Variants in TRIM33 observed in about 807,000 individuals in gnomAD.
The protein encoded by TRIM33 is tripartite motif containing 33.
In TRIM33, 20 loss-of-function variants were observed where a neutral mutation model predicts 125.4. That is an observed-to-expected ratio of 0.16 (90% CI 0.11 to 0.23). The LOEUF (loss-of-function observed/expected upper bound fraction) is 0.23, where lower values mean the gene tolerates loss of function less well. TRIM33 is among the 10% of genes least tolerant of loss of function. The pLI, the probability that TRIM33 is intolerant of heterozygous loss-of-function variation, is 1.00. For missense variants in TRIM33, 920 were observed against 1,411.4 expected (o/e 0.65, Z 5.58); for synonymous variants, 564 against 513.9 (o/e 1.10, Z -1.32).
chr1:114,460,573 C>CTTTTT (rs35612978), intron 4 of TRIM33, among the ~76,000 whole-genome samples: 1 of 64,430 alleles, frequency 1.6e-5, no homozygotes, highest in Non-Finnish European at 2.7e-5. Context: ...CCCCCGCCAC[C>CTTTTT]TTTTTTTTTT....
intron 5 of TRIM33, among the ~76,000 whole-genome samples, chr1:114,432,438 G>A (rs1648017365): frequency 6.6e-6 from 1 of 152,176 alleles, no homozygotes; most frequent in Non-Finnish European, 1.5e-5. Flanking sequence ...GTGTGTGTGT[G>A]TGTACAATCT....
Position 114,427,224 on chromosome 1 carries a change from C to T in TRIM33, c.1373G>A (p.Arg458His), listed in dbSNP as rs762443881. 3.1e-6 allele frequency: 5 copies of T among 1,604,042 alleles called. No homozygotes were observed. Among genetic ancestry groups the T allele is most frequent in the Admixed American group, 1.7e-5 (1 of 59,510 alleles). Reference sequence around the variant, plus strand: ...CCAGAAGGTGGGATCACAATGGAAACGTATTGCTCCATTAGCAGCAGGGAC... The same window carrying T: ...CCAGAAGGTGGGATCACAATGGAAATGTATTGCTCCATTAGCAGCAGGGAC... ...DPVPAANGAI[R>H]FHCDPTFWAK... Residue 458 changes from arginine (R) to histidine (H), a missense_variant, in exon 8 of 20, where the codon CGT (arginine) becomes CAT (histidine). This residue lies in a region of TRIM33 where 407 missense variants were observed against 589.7 expected (regional missense o/e 0.69). Transcript: ENST00000358465.
At chr1:114,488,491 C>T (rs1333518985) in intron 1 of TRIM33, among the ~76,000 whole-genome samples, 1 of 152,152 alleles carries the variant, frequency 6.6e-6, no homozygotes, top group Non-Finnish European at 1.5e-5. Context: ...AGGCCAGGCA[C>T]AGTGGCTCAC....
In TRIM33 at chr1:114,463,563, GAAGA is replaced by G. The variant is rs762997926; in HGVS notation, c.646-11_646-8del. ...CTTCACAACTAGTACATACCTAAAA[GAAGA>G]AATAAGCACTAATCTAAATTAAATA... On this transcript the variant is annotated splice_polypyrimidine_tract_variant and splice_region_variant and intron_variant, in intron 2 of 19. Transcript: ENST00000358465. 56 of 1,511,496 alleles carry G rather than the reference GAAGA, an allele frequency of 3.7e-5. No individual in the cohort carries two copies. In the South Asian group the frequency reaches 4.3e-4, roughly 12 times the overall value. The allele number at this position is 1,511,496 out of a possible 1,614,324, so 93.6% of individuals were successfully genotyped here.
chr1:114,461,433 G>A lies in TRIM33; in HGVS notation c.923+1671C>T, dbSNP rs545765073. Among the ~76,000 whole-genome samples the A allele has an allele frequency of 2.2e-4, 33 of 151,268 alleles. No individual in the cohort carries two copies. The East Asian group carries it at 4.3e-3, about 20-fold the overall frequency. ...GACCTGACTCTAACTCCAGGTAGAC[G>A]GCGACAGAACTGAACTGAATTTCTG... On this transcript the variant is annotated intron_variant, in intron 4 of 19. Coordinates refer to ENST00000358465, the MANE Select transcript of TRIM33 (RefSeq NM_015906.4).
At chr1:114,412,295 C>T (rs1652644097) in intron 11 of TRIM33, among the ~76,000 whole-genome samples, 1 of 152,210 alleles carries the variant, frequency 6.6e-6, no homozygotes, top group Non-Finnish European at 1.5e-5. Context: ...ACTTCGCTTA[C>T]AGAAATATGT....
At chr1:114,445,763 A>C (rs535268864) in intron 4 of TRIM33, among the ~76,000 whole-genome samples, 43 of 152,366 alleles carry the variant, frequency 2.8e-4, no homozygotes, top group East Asian at 3.9e-4. Context: ...TGGAAGCCAG[A>C]ATACAAAGTA....
intron 11 of TRIM33, among the ~76,000 whole-genome samples, chr1:114,414,035 A>ACACACC (rs1652772755): frequency 7.3e-6 from 1 of 136,180 alleles, no homozygotes; most frequent in African/African-American, 2.8e-5. Flanking sequence ...AGGCACACAC[A>ACACACC]CACACACACA....
At chr1:114,507,627 T>G (rs1227343105) in intron 1 of TRIM33, among the ~76,000 whole-genome samples, 1 of 152,180 alleles carries the variant, frequency 6.6e-6, no homozygotes, top group East Asian at 1.9e-4. Flanking sequence ...TAAACGACTA[T>G]CAGCTACATT....
intron 1 of TRIM33, among the ~76,000 whole-genome samples, chr1:114,506,044 G>C (rs1261720264): frequency 1.3e-5 from 2 of 152,104 alleles, no homozygotes; most frequent in African/African-American, 4.8e-5. Context: ...GCAAGACCTG[G>C]AGAGACTTCC....
At chr1:114,495,494 T>C (rs536708294) in intron 1 of TRIM33, among the ~76,000 whole-genome samples, 18 of 152,336 alleles carry the variant, frequency 1.2e-4, no homozygotes, top group Middle Eastern at 3.4e-3. Context: ...AGGATTTTTA[T>C]AGGCAAATAA....
chr1:114,502,381 T>C (rs918153235), intron 1 of TRIM33, among the ~76,000 whole-genome samples: 1 of 152,236 alleles, frequency 6.6e-6, no homozygotes, highest in Non-Finnish European at 1.5e-5. Context: ...AAAGAGCTTT[T>C]GTTTAGATGG....
intron 4 of TRIM33, among the ~76,000 whole-genome samples, chr1:114,449,420 G>T (rs6696058): frequency 6.6e-6 from 1 of 152,202 alleles, no homozygotes; most frequent in Non-Finnish European, 1.5e-5. Context: ...ATGAGGGGAC[G>T]TCTGGGAGTG....
chr1:114,429,176 T>A (rs1460780833), intron 6 of TRIM33, among the ~76,000 whole-genome samples: 2 of 150,786 alleles, frequency 1.3e-5, no homozygotes, highest in African/African-American at 4.9e-5. Context: ...ACTTTAACAA[T>A]CTGCACAAGA....
At chr1:114,507,998 T>A (rs1653102158) in intron 1 of TRIM33, among the ~76,000 whole-genome samples, 3 of 152,080 alleles carry the variant, frequency 2.0e-5, no homozygotes, top group Non-Finnish European at 4.4e-5. Context: ...GCGCCTGCAA[T>A]CTCAGCTACT....
intron 1 of TRIM33, among the ~76,000 whole-genome samples, chr1:114,489,701 C>T (rs905035181): frequency 6.6e-6 from 1 of 152,026 alleles, no homozygotes. Flanking sequence ...GCTGTGATTG[C>T]ACCACTGCAC....
chr1:114,452,440 C>A (rs914902391), intron 4 of TRIM33, among the ~76,000 whole-genome samples: 5 of 148,772 alleles, frequency 3.4e-5, no homozygotes, highest in African/African-American at 1.3e-4. Context: ...AGCCTGGCAA[C>A]AGAGTGAGAC....
At chr1:114,419,200 CAAAAAAAAAA>C (rs35757503) in intron 11 of TRIM33, among the ~76,000 whole-genome samples, 3 of 54,324 alleles carry the variant, frequency 5.5e-5, no homozygotes, top group Non-Finnish European at 1.1e-4. Flanking sequence ...GACACCATCT[CAAAAAAAAAA>C]AAAAAAAAAA....
chr1:114,452,494 A>G (rs1446219718), intron 4 of TRIM33, among the ~76,000 whole-genome samples: 3 of 152,038 alleles, frequency 2.0e-5, no homozygotes, highest in Non-Finnish European at 2.9e-5. Context: ...ATCATAAGAT[A>G]TAACTACAGA....
Sources: gnomAD v4.1 joint callset for allele counts (sites outside exome capture counted in the v4.1 genomes callset) on GRCh38, gnomAD v4.1.1 for gene constraint, gnomAD v4.1.1 regional missense constraint, MANE v1.5 for transcripts, NCBI Gene and HGNC (gene_info 2026-07-23, HGNC 2026-07-21) for gene names.